Variants in BAZ2B observed in about 807,000 individuals in gnomAD.
The protein encoded by BAZ2B is bromodomain adjacent to zinc finger domain protein 2B.
BAZ2B carries 91 observed loss-of-function variants against 246.0 expected under a neutral mutation model. That is an observed-to-expected ratio of 0.37 (90% confidence interval 0.31 to 0.44). The LOEUF (loss-of-function observed/expected upper bound fraction) is 0.44, where lower values mean the gene tolerates loss of function less well. Among genes scored for constraint, BAZ2B ranks in the 20% least tolerant of loss-of-function variants. The pLI is 1.00. For synonymous variants in BAZ2B, 855 were observed against 860.0 expected, an observed-to-expected ratio of 0.99 and a Z score of 0.10; for missense variants, 2,332 against 2,533.7, an observed-to-expected ratio of 0.92 and a Z score of 1.71.
At chr2:159,438,763 C>G in intron 7 of BAZ2B, 68 bp from the exon 8 acceptor site, 1 of 1,489,092 alleles carries the variant, frequency 6.7e-7, no homozygotes, top group Non-Finnish European at 8.9e-7. Flanking sequence ...GCAGTAAAAC[C>G]TGGAGATAAA....
At chr2:159,403,581 AAT>A (rs1458875674) in intron 16 of BAZ2B, among the ~76,000 whole-genome samples, 1 of 152,160 alleles carries the variant, frequency 6.6e-6, no homozygotes, top group East Asian at 1.9e-4. Flanking sequence ...CTCTTTAGTA[AAT>A]ATATTTTAAC....
At chr2:159,493,895 A>G (rs1345413862) in intron 2 of BAZ2B, among the ~76,000 whole-genome samples, 2 of 152,230 alleles carry the variant, frequency 1.3e-5, no homozygotes, top group East Asian at 3.8e-4. Flanking sequence ...ACTGAACAGA[A>G]AAAAAGCAGA....
At chr2:159,323,486 A>G (rs1267244562) in intron 36 of BAZ2B, among the ~76,000 whole-genome samples, 1 of 152,012 alleles carries the variant, frequency 6.6e-6, no homozygotes, top group Admixed American at 6.6e-5. Context: ...TGTGCCATCT[A>G]CCTAGACAAC....
chr2:159,502,109 C>T lies in BAZ2B; in HGVS notation c.-2-23388G>A, dbSNP rs570853938. Among the ~76,000 whole-genome samples the T allele has an allele frequency of 2.0e-5, 3 of 152,012 alleles. No homozygotes were observed. The East Asian group carries it at 5.8e-4, about 29-fold the overall frequency. ...CATGATTCCATTTAAATGAAACATC[C>T]AGAAAAGGATACTCTGTAGAGACAG... On this transcript the variant is annotated intron_variant, in intron 2 of 36. Coordinates refer to ENST00000392783, the MANE Select transcript of BAZ2B (RefSeq NM_013450.4).
chr2:159,588,222 A>AAT (rs1688498740), intron 1 of BAZ2B, among the ~76,000 whole-genome samples: 1 of 151,672 alleles, frequency 6.6e-6, no homozygotes, highest in African/African-American at 2.4e-5. Flanking sequence ...ATCAAAAAAA[A>AAT]AAAAAAAAAA....
In BAZ2B at chr2:159,576,697, A is replaced by C. The variant is rs187977841; in HGVS notation, c.-45-20832T>G. Among the ~76,000 whole-genome samples, 405 of 139,414 alleles carry C rather than the reference A, an allele frequency of 2.9e-3. 2 individuals are homozygous for C. The highest frequency in any genetic ancestry group is 0.01 in the African/African-American group (382 of 37,208). The allele number at this position is 139,414 out of a possible 152,430, so 91.5% of individuals were successfully genotyped here. A position where few individuals can be genotyped will look rare whatever the true frequency, so the allele number is the denominator to read the frequency against. On this transcript the variant is annotated intron_variant, in intron 1 of 36. Transcript: ENST00000392783. ...GGGAGGCTGAGGCAGGTGGATCACG[A>C]GGTCGGGAGTTCGAGACCAGCCTGG...
chr2:159,660,968 G>C, the BAZ2B span, among the ~76,000 whole-genome samples: 1 of 152,104 alleles, frequency 6.6e-6, no homozygotes, highest in African/African-American at 2.4e-5. Flanking sequence ...CATATGTACA[G>C]TCTACAATTT....
At chr2:159,455,762 G>GTTTTTTTTTTTTTTTT in intron 3 of BAZ2B, among the ~76,000 whole-genome samples, 1 of 97,124 alleles carries the variant, frequency 1.0e-5, no homozygotes, top group Non-Finnish European at 2.2e-5. Context: ...GAAATATTGT[G>GTTTTTTTTTTTTTTTT]GTTTTTTTTT....
At chr2:159,658,861 C>T in the BAZ2B span, among the ~76,000 whole-genome samples, 1 of 152,020 alleles carries the variant, frequency 6.6e-6, no homozygotes, top group East Asian at 1.9e-4. Flanking sequence ...CCTATGTTGC[C>T]TGGGCTGGTC....
At chr2:159,396,069 T>A (rs913896782) in intron 19 of BAZ2B, 44 of 389,312 alleles carry the variant, frequency 1.1e-4, no homozygotes, top group Admixed American at 5.3e-4. Context: ...GCAATGAACA[T>A]GGAGACAGTG....
chr2:159,344,937 C>T (rs2067503014), intron 31 of BAZ2B, among the ~76,000 whole-genome samples: 1 of 152,068 alleles, frequency 6.6e-6, no homozygotes, highest in Admixed American at 6.5e-5. Context: ...TGGCTGGGCG[C>T]AGTGGCTCAC....
intron 2 of BAZ2B, among the ~76,000 whole-genome samples, chr2:159,530,171 G>A (rs957334998): frequency 6.6e-6 from 1 of 152,190 alleles, no homozygotes; most frequent in African/African-American, 2.4e-5. Context: ...AATATTGAAA[G>A]TAGTAACCTT....
chr2:159,595,107 A>AT (rs2151726232), intron 1 of BAZ2B, among the ~76,000 whole-genome samples: 1 of 117,880 alleles, frequency 8.5e-6, no homozygotes, highest in African/African-American at 3.1e-5. Flanking sequence ...TTAAACATAT[A>AT]CTTTTTTTTT....
the BAZ2B span, among the ~76,000 whole-genome samples, chr2:159,663,372 T>G: frequency 9.9e-5 from 15 of 151,326 alleles, no homozygotes; most frequent in Non-Finnish European, 1.8e-4. Flanking sequence ...CAGCTAATTT[T>G]TTGTGTTTTT....
In BAZ2B at chr2:159,350,126, G is replaced by A. The variant is rs1449616525; in HGVS notation, c.4445C>T (p.Ser1482Leu). The change falls in exon 28 of 37, where the codon TCA (serine) becomes TTA (leucine). Residue 1482 changes from serine (S) to leucine (L), a missense_variant. Physicochemically the swap from Ser to Leu is moderately radical, Grantham distance 145. This residue lies in a region of BAZ2B where 676 missense variants were observed against 668.6 expected (regional missense o/e 1.01). Coordinates refer to ENST00000392783, the MANE Select transcript of BAZ2B (RefSeq NM_013450.4). ...LLEVAKMPPESEVMTPKPNAG... is the reference protein window; with the variant it reads ...LLEVAKMPPELEVMTPKPNAG... The stretch of plus-strand genomic sequence containing the variant: ...ATTTGGTTTGGGGGTCATAACCTCT[G>A]ACTCAGGAGGCATCTTAGCTACTTC... The A allele has an allele frequency of 6.2e-7, 1 of 1,614,058 alleles. No individual in the cohort carries two copies. Among genetic ancestry groups the A allele is most frequent in the South Asian group, 1.1e-5 (1 of 91,068 alleles).
intron 3 of BAZ2B, among the ~76,000 whole-genome samples, chr2:159,475,805 C>A (rs1015675531): frequency 6.6e-6 from 1 of 152,164 alleles, no homozygotes; most frequent in Admixed American, 6.5e-5. Context: ...TTCTAACAGG[C>A]CTCTCTGCTA....
At chr2:159,576,152 T>A (rs1286664437) in intron 1 of BAZ2B, among the ~76,000 whole-genome samples, 2 of 152,216 alleles carry the variant, frequency 1.3e-5, no homozygotes, top group African/African-American at 4.8e-5. Context: ...TGAATTTGAT[T>A]CCTAGATTTA....
At chr2:159,672,157 C>G in the BAZ2B span, among the ~76,000 whole-genome samples, 6 of 152,146 alleles carry the variant, frequency 3.9e-5, no homozygotes, top group South Asian at 6.2e-4. Flanking sequence ...GAATAGTTTT[C>G]TAGTTGCAAC....
intron 3 of BAZ2B, chr2:159,463,291 TAAAAA>T: frequency 2.9e-6 from 1 of 346,650 alleles, no homozygotes; most frequent in Non-Finnish European, 5.7e-6. Flanking sequence ...TTTTGACACT[TAAAAA>T]AGACGATTCC....
Sources: allele counts gnomAD v4.1 joint callset (sites outside exome capture counted in the v4.1 genomes callset), GRCh38; gene constraint gnomAD v4.1.1; regional missense constraint gnomAD v4.1.1; transcripts MANE v1.5; gene names NCBI Gene and HGNC (gene_info 2026-07-23, HGNC 2026-07-21).